Variants in UMPS observed in about 807,000 individuals in gnomAD.
The protein encoded by UMPS is uridine 5'-monophosphate synthase.
UMPS carries 21 observed loss-of-function variants against 38.9 expected under a neutral mutation model. The ratio of observed to expected loss-of-function variants is 0.54; its 90% CI spans 0.38 to 0.78. The LOEUF (loss-of-function observed/expected upper bound fraction) is 0.78, where lower values mean the gene tolerates loss of function less well. UMPS is among the 30% of genes least tolerant of loss of function. The pLI, the probability that UMPS is intolerant of heterozygous loss-of-function variation, is 0.00. For synonymous variants in UMPS, 208 were observed against 219.3 expected, an observed-to-expected ratio of 0.95 and a Z score of 0.45; for missense variants, 533 against 591.6, an observed-to-expected ratio of 0.90 and a Z score of 1.03.
rs2063622156 is a variant in UMPS at position 124,748,720 on chromosome 3, G to A, written c.*4636G>A. 2.2e-6 allele frequency: 1 copy of A among 446,380 alleles called. No individual in the cohort carries two copies. Among genetic ancestry groups the A allele is most frequent in the Non-Finnish European group, 4.5e-6 (1 of 223,016 alleles). 27.7% of individuals were successfully genotyped at this position (446,380 alleles called of 1,614,324 possible). On this transcript the variant is annotated 3_prime_UTR_variant, in exon 6 of 6. Coordinates refer to ENST00000232607, the MANE Select transcript of UMPS (RefSeq NM_000373.4). Reference sequence around the variant, plus strand: ...CATGTTTTTCAGCGCTGGGGTTGGGGGGAGCCCAGGAGAGCAGGAAGATCC... The same window carrying A: ...CATGTTTTTCAGCGCTGGGGTTGGGAGGAGCCCAGGAGAGCAGGAAGATCC...
rs1295165267 is a variant in UMPS, at chr3:124,737,873, T to G, written c.616T>G (p.Phe206Val). The G allele has an allele frequency of 2.5e-6, 4 of 1,614,106 alleles. No individual in the cohort carries two copies. Among genetic ancestry groups the G allele is most frequent in the African/African-American group, 2.7e-5 (2 of 74,942 alleles). ...RVKRFIQENV[F>V]VAANHNGSPL... ...GAAGAGGTTTATTCAGGAGAATGTCTTTGTGGCAGCGAATCATAATGGTTC... is the reference window on the plus strand; with the variant it reads ...GAAGAGGTTTATTCAGGAGAATGTCGTTGTGGCAGCGAATCATAATGGTTC... The change falls in exon 3 of 6, where the codon TTT becomes GTT. Residue 206 changes from phenylalanine (F) to valine (V), a missense_variant. Physicochemically the swap from Phe to Val is conservative, Grantham distance 50. Transcript: ENST00000232607.
At chr3:124,731,066 C>CA (rs1339785972) in intron 1 of UMPS, among the ~76,000 whole-genome samples, 3 of 152,024 alleles carry the variant, frequency 2.0e-5, no homozygotes, top group African/African-American at 7.2e-5. Context: ...CCCGTCTCTA[C>CA]AAAAAATTAG....
At chr3:124,739,620 C>T (rs1338896628) in intron 3 of UMPS, among the ~76,000 whole-genome samples, 1 of 152,216 alleles carries the variant, frequency 6.6e-6, no homozygotes, top group Non-Finnish European at 1.5e-5. Context: ...AAGCATGAGC[C>T]ACCATGCCCA....
intron 2 of UMPS, 129 bp from the exon 3 acceptor site, chr3:124,737,439 A>G (rs1057383269): frequency 7.2e-6 from 6 of 830,516 alleles, no homozygotes; most frequent in Non-Finnish European, 1.2e-5. Flanking sequence ...CAAGTTTGGT[A>G]TACAGAATTG....
Position 124,742,209 on chromosome 3 carries a change from G to A in UMPS, c.1216G>A (p.Val406Ile). 6.2e-7 allele frequency: 1 copy of A among 1,614,156 alleles called. No homozygotes were observed. Among genetic ancestry groups the A allele is most frequent in the Non-Finnish European group, 8.5e-7 (1 of 1,180,036 alleles). Residue 406 changes from valine to isoleucine, a missense_variant, in exon 5 of 6, where the codon GTA becomes ATA. By Grantham distance (29) the Val-to-Ile change is conservative (BLOSUM62 3). Transcript: ENST00000232607. ...TGTTGGTTTTATTTCTGGCTCCCGA[G>A]TAAGCATGAAACCAGAATTTCTTCA... ...FVVGFISGSR[V>I]SMKPEFLHLT...
In UMPS at chr3:124,737,600, C is replaced by T. The variant is rs779723295; in HGVS notation, c.343C>T (p.Pro115Ser). ...TKRLVEGTIN[P>S]GETCLIIEDV... Reference sequence around the variant, plus strand: ...GCGTCTTGTAGAAGGAACTATTAATCCAGGAGAAACCTGTTTAATCATTGA... The same window carrying T: ...GCGTCTTGTAGAAGGAACTATTAATTCAGGAGAAACCTGTTTAATCATTGA... Residue 115 changes from proline to serine, a missense_variant, in exon 3 of 6, where the codon CCA becomes TCA. Physicochemically the swap from Pro to Ser is moderately conservative, Grantham distance 74 (BLOSUM62 -1). Coordinates refer to ENST00000232607, the MANE Select transcript of UMPS (RefSeq NM_000373.4). 10 of 1,613,930 alleles carry T rather than the reference C, an allele frequency of 6.2e-6. No individual in the cohort carries two copies. In the African/African-American group the frequency reaches 1.2e-4, roughly 19 times the overall value.
rs1272986496 is a variant in UMPS at position 124,747,859 on chromosome 3, C to T, written c.*3775C>T. The T allele has an allele frequency of 1.3e-5, 6 of 453,532 alleles. No individual in the cohort carries two copies. The highest frequency in any genetic ancestry group is 2.4e-5 in the Admixed American group (1 of 42,552). 28.1% of individuals were successfully genotyped at this position (453,532 alleles called of 1,614,324 possible). ...GTCTTGTGTGAATCCTGTACTTTAA[C>T]ACAGTGGACCAAGTGTCAGTCATTG... On this transcript the variant is annotated 3_prime_UTR_variant, in exon 6 of 6. Coordinates refer to ENST00000232607, the MANE Select transcript of UMPS (RefSeq NM_000373.4).
chr3:124,730,747 C>A, intron 1 of UMPS, 120 bp downstream of exon 1: 1 of 1,203,700 alleles, frequency 8.3e-7, no homozygotes, highest in Non-Finnish European at 1.2e-6. Flanking sequence ...GGCAGACCGA[C>A]CCTACTCTTG....
rs1383253381 is a variant in UMPS, at chr3:124,747,055, TG to T, written c.*2973del. On this transcript the variant is annotated 3_prime_UTR_variant, in exon 6 of 6. Transcript: ENST00000232607. ...AGGGTCTTCACTCTGTTGCCCAGGC[TG>T]GAGTATATCATGGCTCACTGCAACC... is the stretch of plus-strand genomic sequence containing the variant. 5 of 453,726 alleles carry T rather than the reference TG, an allele frequency of 1.1e-5. No homozygotes were observed. The highest frequency in any genetic ancestry group is 1.0e-4 in the African/African-American group (5 of 49,974). The allele number at this position is 453,726 out of a possible 1,614,324, so 28.1% of individuals were successfully genotyped here.
chr3:124,737,967 A>C lies in UMPS; in HGVS notation c.710A>C (p.His237Pro), dbSNP rs1353678716. Residue 237 changes from histidine (H) to proline (P), a missense_variant, in exon 3 of 6, where the codon CAC becomes CCC. Physicochemically the swap from His to Pro is moderately conservative, Grantham distance 77. Transcript: ENST00000232607. The part of the protein sequence containing the change: ...FGARAELPRI[H>P]PVASKLLRLM... ...GCACGTGCAGAGCTGCCCAGGATCCACCCAGTTGCATCGAAGCTTCTCAGG... is the reference window on the plus strand; with the variant it reads ...GCACGTGCAGAGCTGCCCAGGATCCCCCCAGTTGCATCGAAGCTTCTCAGG... The C allele has an allele frequency of 6.2e-7, 1 of 1,614,088 alleles. No homozygotes were observed. Among genetic ancestry groups the C allele is most frequent in the Non-Finnish European group, 8.5e-7 (1 of 1,180,026 alleles).
chr3:124,730,660 G>C (rs1409489935), intron 1 of UMPS, 33 bp downstream of exon 1: 1 of 1,604,434 alleles, frequency 6.2e-7, no homozygotes, highest in Non-Finnish European at 8.5e-7. Context: ...GACAGGGCTT[G>C]GTGGCGGGAA....
chr3:124,737,422 C>A, intron 2 of UMPS, 146 bp from the exon 3 acceptor site: 1 of 721,102 alleles, frequency 1.4e-6, no homozygotes, highest in South Asian at 1.8e-5. Context: ...ACTGTATGTG[C>A]AACTAGCAAG....
chr3:124,732,967 G>GGTGTGTGTGTGTGTGTGTGTGT (rs61383415), intron 1 of UMPS, among the ~76,000 whole-genome samples: 3 of 147,624 alleles, frequency 2.0e-5, no homozygotes, highest in African/African-American at 7.6e-5. Flanking sequence ...ACTAGATCAT[G>GGTGTGTGTGTGTGTGTGTGTGT]GTGTGTGTGT....
In UMPS at chr3:124,744,321, G is replaced by T. The variant is rs1210298820; in HGVS notation, c.*237G>T. 1 of 580,584 alleles carries T rather than the reference G, an allele frequency of 1.7e-6. No individual in the cohort carries two copies. Among genetic ancestry groups the T allele is most frequent in the Non-Finnish European group, 3.2e-6 (1 of 310,936 alleles). The allele number at this position is 580,584 out of a possible 1,614,324, so 36.0% of individuals were successfully genotyped here. On this transcript the variant is annotated 3_prime_UTR_variant, in exon 6 of 6. Transcript: ENST00000232607. ...CTTGCTTTTTTTGAGACTGGTGTTT[G>T]TTAGACAGCCACAGTCCTGTCTGGG... is the stretch of plus-strand genomic sequence containing the variant.
rs1304715578 is a variant in UMPS, at chr3:124,740,118, G to A, written c.1077G>A (p.Leu359=). 2 of 1,614,142 alleles carry A rather than the reference G, an allele frequency of 1.2e-6. No homozygotes were observed. Among genetic ancestry groups the A allele is most frequent in the Non-Finnish European group, 1.7e-6 (2 of 1,180,038 alleles). Residue 359 remains leucine (L), a synonymous_variant, in exon 4 of 6, where the codon CTG becomes CTA. Coordinates refer to ENST00000232607, the MANE Select transcript of UMPS (RefSeq NM_000373.4). The part of the protein sequence containing the change: ...GVVKGLQEVG[L]PLHRGCLLIA... ...TGAAAGGCCTGCAAGAAGTGGGCCT[G>A]CCTTTGCATCGGGGGTGCCTCCTTA...
chr3:124,736,122 A>G (rs1414991850), intron 2 of UMPS, among the ~76,000 whole-genome samples: 1 of 151,794 alleles, frequency 6.6e-6, no homozygotes, highest in Non-Finnish European at 1.5e-5. Context: ...AAATAAAAAA[A>G]GAATACAAAA....
intron 3 of UMPS, among the ~76,000 whole-genome samples, chr3:124,739,684 C>T (rs1255226865): frequency 6.6e-6 from 1 of 152,178 alleles, no homozygotes; most frequent in Non-Finnish European, 1.5e-5. Context: ...TGTTTATCTT[C>T]ACTGGAGTCC....
Position 124,748,368 on chromosome 3 carries a change from G to C in UMPS, c.*4284G>C. 2.2e-6 allele frequency: 1 copy of C among 453,980 alleles called. No individual in the cohort carries two copies. Among genetic ancestry groups the C allele is most frequent in the Non-Finnish European group, 4.4e-6 (1 of 226,778 alleles). The allele number at this position is 453,980 out of a possible 1,614,324, so 28.1% of individuals were successfully genotyped here. ...ACATTTGTAATTTGGCCTTGTATGA[G>C]TTACCCTGCAATCCCTTTGTTTTCC... On this transcript the variant is annotated 3_prime_UTR_variant, in exon 6 of 6. Coordinates refer to ENST00000232607, the MANE Select transcript of UMPS (RefSeq NM_000373.4).
intron 4 of UMPS, 130 bp downstream of exon 4, chr3:124,740,329 GTA>G: frequency 1.2e-6 from 1 of 866,334 alleles, no homozygotes; most frequent in Non-Finnish European, 1.8e-6. Flanking sequence ...TAGTGTGACA[GTA>G]TATTAATACT....
Sources: gnomAD v4.1 joint callset for allele counts (sites outside exome capture counted in the v4.1 genomes callset) on GRCh38, gnomAD v4.1.1 for gene constraint, MANE v1.5 for transcripts, NCBI Gene and HGNC (gene_info 2026-07-23, HGNC 2026-07-21) for gene names.